Variants in ROBO2 observed in about 807,000 individuals in gnomAD.
The protein encoded by ROBO2 is roundabout guidance receptor 2, also known as roundabout homolog 2.
ROBO2 carries 53 observed loss-of-function variants against 160.8 expected under a neutral mutation model. The ratio of observed to expected loss-of-function variants is 0.33; its 90% CI spans 0.26 to 0.41. The LOEUF (loss-of-function observed/expected upper bound fraction) is 0.41, where lower values mean the gene tolerates loss of function less well. ROBO2 is among the 10% of genes least tolerant of loss of function. The probability of loss-of-function intolerance (pLI) is 1.00; values close to 1 mark genes in which losing one functional copy is unlikely to be tolerated. For synonymous variants in ROBO2, 664 were observed against 611.7 expected, an observed-to-expected ratio of 1.09 and a Z score of -1.26; for missense variants, 1,577 against 1,722.4, an observed-to-expected ratio of 0.92 and a Z score of 1.49.
intron 1 of ROBO2, among the ~76,000 whole-genome samples, chr3:77,087,839 C>CAT (rs1169846182): frequency 6.6e-6 from 1 of 151,728 alleles, no homozygotes. Context: ...TACACACACA[C>CAT]ATATATATAG....
At position 75,974,359 on chromosome 3, in the gene ROBO2, TTA is replaced by T. The variant is rs753663140; in HGVS notation, c.109+36759_109+36760del. ...CAGAGGCACTCAGTTACAAAAGAAA[TTA>T]TGTTTGCTGTTGCAATTATTATCAG... On this transcript the variant is annotated intron_variant, in intron 2 of 26. Transcript: ENST00000487694. 1.3e-4 allele frequency among the ~76,000 whole-genome samples: 20 copies of T among 151,720 alleles called. No individual in the cohort carries two copies. The East Asian group carries it at 1.6e-3, about 12-fold the overall frequency.
intron 2 of ROBO2, among the ~76,000 whole-genome samples, chr3:76,227,548 T>C (rs1575990190): frequency 6.6e-6 from 1 of 152,248 alleles, no homozygotes; most frequent in African/African-American, 2.4e-5. Context: ...ATCAGCCTTA[T>C]AGCTTTTCAT....
rs548819659 is a variant in ROBO2 at position 76,232,862 on chromosome 3, G to A, written c.109+295260G>A. 1.1e-4 allele frequency among the ~76,000 whole-genome samples: 17 copies of A among 152,044 alleles called. No individual in the cohort carries two copies. The South Asian group carries it at 3.5e-3, about 32-fold the overall frequency. ...ACTCCACCACCACTCTCAGTATATA[G>A]CCCAGCCTTTTATCTCACAGAGAAA... On this transcript the variant is annotated intron_variant, in intron 2 of 26. Transcript: ENST00000487694.
chr3:76,364,620 C>A (rs1431426386), intron 2 of ROBO2, among the ~76,000 whole-genome samples: 1 of 151,728 alleles, frequency 6.6e-6, no homozygotes, highest in African/African-American at 2.4e-5. Flanking sequence ...TTTTATTATT[C>A]TTGTTATAGT....
intron 2 of ROBO2, among the ~76,000 whole-genome samples, chr3:77,181,559 G>T (rs141495898): frequency 3.3e-5 from 5 of 152,110 alleles, no homozygotes; most frequent in African/African-American, 1.2e-4. Flanking sequence ...TCTCACACAC[G>T]CCTAGGATCC....
chr3:76,827,109 C>CA (rs2066659668), intron 2 of ROBO2, among the ~76,000 whole-genome samples: 2 of 152,098 alleles, frequency 1.3e-5, no homozygotes, highest in Admixed American at 1.3e-4. Flanking sequence ...TGGTATCGTT[C>CA]AGAAATTTTG....
chr3:76,954,394 G>A (rs1277653033), intron 2 of ROBO2, among the ~76,000 whole-genome samples: 1 of 152,112 alleles, frequency 6.6e-6, no homozygotes, highest in Non-Finnish European at 1.5e-5. Context: ...CTTACAACAC[G>A]AGTAGTTCTC....
chr3:76,792,725 A>C (rs549862212), intron 2 of ROBO2, among the ~76,000 whole-genome samples: 152 of 151,740 alleles, frequency 1.0e-3, no homozygotes, highest in African/African-American at 2.0e-3. Flanking sequence ...AAAAAGCAAA[A>C]AACAACAACA....
At chr3:76,548,860 G>C (rs1389837651) in intron 2 of ROBO2, among the ~76,000 whole-genome samples, 1 of 152,056 alleles carries the variant, frequency 6.6e-6, no homozygotes, top group Admixed American at 6.6e-5. Context: ...TATGACCGTG[G>C]GAAGAGTTCA....
chr3:76,400,685 T>G (rs1312475018), intron 2 of ROBO2, among the ~76,000 whole-genome samples: 1 of 151,614 alleles, frequency 6.6e-6, no homozygotes, highest in African/African-American at 2.4e-5. Context: ...TAAATTATGT[T>G]TTTTAATAAA....
intron 2 of ROBO2, among the ~76,000 whole-genome samples, chr3:76,211,641 A>G (rs945758711): frequency 1.3e-5 from 2 of 152,088 alleles, no homozygotes; most frequent in South Asian, 2.1e-4. Context: ...TTATCTACAG[A>G]AGCTGTGTGT....
chr3:76,306,891 A>G lies in ROBO2; in HGVS notation c.109+369289A>G, dbSNP rs536358533. 2.4e-3 allele frequency among the ~76,000 whole-genome samples: 360 copies of G among 152,256 alleles called. 4 individuals are homozygous for G. The highest frequency in any genetic ancestry group is 8.3e-3 in the African/African-American group (343 of 41,544). On this transcript the variant is annotated intron_variant, in intron 2 of 26. Transcript: ENST00000487694. Reference sequence around the variant, plus strand: ...AGTTTTCTTGCTTGGACTATTGTATATTTAAGCGGTTTTTCCTGCTTCTAA... The same window carrying G: ...AGTTTTCTTGCTTGGACTATTGTATGTTTAAGCGGTTTTTCCTGCTTCTAA...
chr3:76,689,261 A>G (rs1310939482), intron 2 of ROBO2, among the ~76,000 whole-genome samples: 1 of 152,018 alleles, frequency 6.6e-6, no homozygotes, highest in Non-Finnish European at 1.5e-5. Flanking sequence ...TTTACTTATT[A>G]CTTATTCTGC....
At chr3:76,074,946 A>T (rs2068594366) in intron 2 of ROBO2, among the ~76,000 whole-genome samples, 1 of 152,184 alleles carries the variant, frequency 6.6e-6, no homozygotes, top group African/African-American at 2.4e-5. Context: ...GAAATATGTG[A>T]CAATAGGGTT....
chr3:76,420,028 C>T lies in ROBO2; in HGVS notation c.109+482426C>T, dbSNP rs116494059. Among the ~76,000 whole-genome samples, 708 of 152,244 alleles carry T rather than the reference C, an allele frequency of 4.7e-3. 4 individuals carry two copies. The highest frequency in any genetic ancestry group is 0.016 in the African/African-American group (684 of 41,554). ...GCAGTTCTTCTTTTAGCGTATTATTCATCATATCACAGGTAATATGATAAT... is the reference window on the plus strand; with the variant it reads ...GCAGTTCTTCTTTTAGCGTATTATTTATCATATCACAGGTAATATGATAAT... On this transcript the variant is annotated intron_variant, in intron 2 of 26. Coordinates refer to the ROBO2 transcript ENST00000487694.
chr3:76,304,297 TA>T (rs1249655753), intron 2 of ROBO2, among the ~76,000 whole-genome samples: 1 of 152,238 alleles, frequency 6.6e-6, no homozygotes, highest in East Asian at 1.9e-4. Flanking sequence ...AAAACATGGT[TA>T]AAAACAAAGA....
chr3:77,400,862 G>A (rs11713339), intron 2 of ROBO2, among the ~76,000 whole-genome samples: 30,256 of 151,766 alleles, frequency 0.2, 3,093 homozygotes, highest in Middle Eastern at 0.24. Flanking sequence ...GAGTGGCAAA[G>A]TTTAATTACA....
At chr3:76,720,984 A>G (rs2093456723) in intron 2 of ROBO2, among the ~76,000 whole-genome samples, 2 of 152,214 alleles carry the variant, frequency 1.3e-5, no homozygotes, top group South Asian at 4.1e-4. Context: ...TAGTGCACGT[A>G]TATGATTGGA....
intron 24 of ROBO2, among the ~76,000 whole-genome samples, chr3:77,635,690 G>A (rs554001228): frequency 7.4e-4 from 112 of 152,124 alleles, no homozygotes; most frequent in African/African-American, 2.6e-3. Context: ...TATAACATTC[G>A]GTACAGAAAC....
Sources: gnomAD v4.1 joint callset for allele counts (sites outside exome capture counted in the v4.1 genomes callset) on GRCh38, gnomAD v4.1.1 for gene constraint, MANE v1.5 for transcripts, NCBI Gene and HGNC (gene_info 2026-07-23, HGNC 2026-07-21) for gene names.